TTLL7: variants seen among roughly 807,000 people sequenced by gnomAD.
TTLL7 encodes tubulin tyrosine ligase like 7, also known as tubulin polyglutamylase TTLL7.
In TTLL7, 53 loss-of-function variants were observed where a neutral mutation model predicts 120.2. The ratio of observed to expected loss-of-function variants is 0.44; its 90% CI spans 0.35 to 0.55. The LOEUF (loss-of-function observed/expected upper bound fraction) is 0.55, where lower values mean the gene tolerates loss of function less well. TTLL7 is among the 20% of genes least tolerant of loss of function. TTLL7 has a pLI of 0.00. For missense variants in TTLL7, 803 were observed against 1,054.7 expected (o/e 0.76, Z 3.31); for synonymous variants, 353 against 351.7 (o/e 1.00, Z -0.04).
At chr1:83,958,306 A>G (rs1367936650) in intron 1 of TTLL7, among the ~76,000 whole-genome samples, 1 of 152,238 alleles carries the variant, frequency 6.6e-6, no homozygotes, top group Non-Finnish European at 1.5e-5. Flanking sequence ...ATGTCTCAAG[A>G]TAATCTTCTC....
At chr1:83,962,676 G>A (rs1650113773) in intron 1 of TTLL7, among the ~76,000 whole-genome samples, 1 of 152,074 alleles carries the variant, frequency 6.6e-6, no homozygotes, top group South Asian at 2.1e-4. Flanking sequence ...ACGTGGCCTG[G>A]CCAGTGAAGT....
intron 18 of TTLL7, among the ~76,000 whole-genome samples, chr1:83,899,075 T>C (rs965177143): frequency 6.6e-6 from 1 of 151,852 alleles, no homozygotes; most frequent in African/African-American, 2.4e-5. Flanking sequence ...TTTATAAAAA[T>C]GGAAAGTTTT....
chr1:83,870,849 C>T (rs1167378398), intron 20 of TTLL7, among the ~76,000 whole-genome samples: 1 of 150,096 alleles, frequency 6.7e-6, no homozygotes, highest in Non-Finnish European at 1.5e-5. Context: ...GCAGAGGTTG[C>T]GGTGAGCTGA....
chr1:83,916,289 C>T (rs1658171434), intron 14 of TTLL7, among the ~76,000 whole-genome samples: 1 of 152,132 alleles, frequency 6.6e-6, no homozygotes, highest in Non-Finnish European at 1.5e-5. Context: ...GGCACATATA[C>T]ACCATGGAAT....
chr1:83,905,784 T>A (rs935490432), intron 17 of TTLL7, among the ~76,000 whole-genome samples: 1 of 151,988 alleles, frequency 6.6e-6, no homozygotes, highest in Non-Finnish European at 1.5e-5. Flanking sequence ...ATGTGAATTT[T>A]AGGACCCTCT....
chr1:83,933,532 G>C, intron 9 of TTLL7, 76 bp downstream of exon 9: 3 of 1,456,150 alleles, frequency 2.1e-6, no homozygotes, highest in Non-Finnish European at 2.8e-6. Flanking sequence ...ACTGTGTTAA[G>C]TACACATTTT....
At chr1:83,968,652 G>T (rs2100562232) in intron 1 of TTLL7, among the ~76,000 whole-genome samples, 1 of 152,110 alleles carries the variant, frequency 6.6e-6, no homozygotes, top group South Asian at 2.1e-4. Context: ...GGAAACTGAG[G>T]TATCTTTCTC....
intron 20 of TTLL7, among the ~76,000 whole-genome samples, chr1:83,881,166 A>G (rs1654422979): frequency 2.0e-5 from 3 of 151,790 alleles, no homozygotes; most frequent in Non-Finnish European, 4.4e-5. Flanking sequence ...AATACCATTC[A>G]GGACATAGGC....
chr1:83,941,498 TACA>T (rs1311870104), intron 7 of TTLL7, among the ~76,000 whole-genome samples: 1 of 152,210 alleles, frequency 6.6e-6, no homozygotes, highest in Non-Finnish European at 1.5e-5. Context: ...TTGCCAGGTT[TACA>T]ACATTTTTCA....
rs1368792666 is a variant in TTLL7, at chr1:83,942,514, C to G, written c.672G>C (p.Gly224=). Residue 224 remains glycine (G), a synonymous_variant, in exon 7 of 21, where the codon GGG becomes GGC. Transcript: ENST00000260505. ...ACTTCTCTGTACCCATTCGCACAAG[C>G]CCATCATGGTAGAGAAATATTTTTA... ...DPLKIFLYHD[G]LVRMGTEKYI... is the part of the protein sequence containing the mutation. The G allele has an allele frequency of 1.2e-6, 2 of 1,613,892 alleles. No homozygotes were observed. The highest frequency in any genetic ancestry group is 1.7e-6 in the Non-Finnish European group (2 of 1,179,950).
At chr1:83,963,369 C>T (rs2100545841) in intron 1 of TTLL7, among the ~76,000 whole-genome samples, 1 of 152,062 alleles carries the variant, frequency 6.6e-6, no homozygotes, top group African/African-American at 2.4e-5. Context: ...AGTTGCTGGT[C>T]CCCATCCTTC....
chr1:83,977,169 C>T (rs975048170), intron 1 of TTLL7, among the ~76,000 whole-genome samples: 1 of 151,730 alleles, frequency 6.6e-6, no homozygotes, highest in African/African-American at 2.4e-5. Context: ...TTGATATCAT[C>T]GACTGCATCT....
chr1:83,907,367 G>A, intron 16 of TTLL7, 89 bp downstream of exon 16: 1 of 1,156,164 alleles, frequency 8.6e-7, no homozygotes, highest in Non-Finnish European at 1.3e-6. Context: ...GAAAGGATCT[G>A]AGGTTCAGTC....
intron 3 of TTLL7, among the ~76,000 whole-genome samples, chr1:83,951,217 C>A (rs543134277): frequency 6.6e-6 from 1 of 152,018 alleles, no homozygotes; most frequent in African/African-American, 2.4e-5. Flanking sequence ...GGTGTGGTGG[C>A]GGGCGCCTGT....
chr1:83,984,382 A>C (rs1652253204), intron 1 of TTLL7: 1 of 152,218 alleles, frequency 6.6e-6, no homozygotes, highest in Non-Finnish European at 1.5e-5. Context: ...ATAACTTAAA[A>C]CAGAACTACC....
intron 1 of TTLL7, among the ~76,000 whole-genome samples, chr1:83,988,326 T>C (rs1652670076): frequency 1.3e-5 from 2 of 152,246 alleles, no homozygotes; most frequent in Admixed American, 6.5e-5. Flanking sequence ...TTGTGAATAG[T>C]GCTGCAATGA....
In TTLL7 at chr1:83,866,911, G is replaced by C. The variant is rs1557486618; in HGVS notation, c.*3051C>G. On this transcript the variant is annotated 3_prime_UTR_variant, in exon 21 of 21. Coordinates refer to ENST00000260505, the MANE Select transcript of TTLL7 (RefSeq NM_024686.6). ...GTAAGTGATGATTTAAAATAAAAAA[G>C]GTTGTTTCTTAGACATTTCTAGAAA... The C allele has an allele frequency of 1.3e-5, 2 of 151,862 alleles. No individual in the cohort carries two copies. Among genetic ancestry groups the C allele is most frequent in the Non-Finnish European group, 1.5e-5 (1 of 67,810 alleles). 9.4% of individuals were successfully genotyped at this position (151,862 alleles called of 1,614,324 possible). A position where few individuals can be genotyped will look rare whatever the true frequency, so the allele number is the denominator to read the frequency against.
intron 14 of TTLL7, among the ~76,000 whole-genome samples, chr1:83,917,396 G>A (rs17534614): frequency 0.42 from 64,546 of 151,880 alleles, 15,346 homozygotes; most frequent in Non-Finnish European, 0.54. Context: ...ACTGTCATCA[G>A]GAAAATAACC....
chr1:83,962,315 C>T (rs1167047970), intron 1 of TTLL7, among the ~76,000 whole-genome samples: 1 of 152,088 alleles, frequency 6.6e-6, no homozygotes, highest in Non-Finnish European at 1.5e-5. Context: ...GAGATAGATA[C>T]ATCAGAATCA....
Sources: allele counts gnomAD v4.1 joint callset (sites outside exome capture counted in the v4.1 genomes callset), GRCh38; gene constraint gnomAD v4.1.1; transcripts MANE v1.5; gene names NCBI Gene and HGNC (gene_info 2026-07-23, HGNC 2026-07-21).